WWOX: variants seen among roughly 807,000 people sequenced by gnomAD.
The protein encoded by WWOX is WW domain containing oxidoreductase.
In WWOX, 69 loss-of-function variants were observed where a neutral mutation model predicts 46.2. The observed-to-expected ratio is 1.49, with a 90% CI of 1.23 to 1.82. The LOEUF (loss-of-function observed/expected upper bound fraction) is 1.82. Among genes scored for constraint, WWOX ranks in the 40% most tolerant of loss-of-function variants. The pLI, the probability that WWOX is intolerant of heterozygous loss-of-function variation, is 0.00. For synonymous variants in WWOX, 359 were observed against 202.6 expected, an observed-to-expected ratio of 1.77 and a Z score of -6.56; for missense variants, 919 against 542.6, an observed-to-expected ratio of 1.69 and a Z score of -6.89.
chr16:79,021,338 G>A (rs911854743), intron 8 of WWOX, among the ~76,000 whole-genome samples: 4 of 152,088 alleles, frequency 2.6e-5, no homozygotes, highest in Admixed American at 1.3e-4. Context: ...CAAGAAACTC[G>A]CTTTCTTTGG....
chr16:79,179,664 A>G (rs552541516), intron 8 of WWOX, among the ~76,000 whole-genome samples: 2 of 152,312 alleles, frequency 1.3e-5, no homozygotes, highest in East Asian at 1.9e-4. Context: ...GCCACTGGAA[A>G]TCTATTACCT....
chr16:78,174,699 C>T (rs1053677827), intron 5 of WWOX, among the ~76,000 whole-genome samples: 1 of 152,180 alleles, frequency 6.6e-6, no homozygotes, highest in Non-Finnish European at 1.5e-5. Flanking sequence ...AATAATCTGA[C>T]TAAGGTGGCC....
intron 6 of WWOX, among the ~76,000 whole-genome samples, chr16:78,404,541 C>G (rs903405121): frequency 6.6e-6 from 1 of 152,142 alleles, no homozygotes; most frequent in Admixed American, 6.5e-5. Context: ...GTCACTTTCT[C>G]TTGTGGAGTT....
intron 8 of WWOX, among the ~76,000 whole-genome samples, chr16:79,180,061 G>C (rs374875518): frequency 7.2e-5 from 11 of 152,060 alleles, no homozygotes; most frequent in African/African-American, 2.4e-4. Context: ...GTTGCTTTTT[G>C]AGAGATTCTA....
At chr16:78,403,379 G>T (rs1272229553) in intron 6 of WWOX, among the ~76,000 whole-genome samples, 1 of 152,158 alleles carries the variant, frequency 6.6e-6, no homozygotes, top group Non-Finnish European at 1.5e-5. Context: ...AAAAATTAAT[G>T]TTCCCTTCCC....
At chr16:78,824,847 C>T (rs1415424899) in intron 8 of WWOX, among the ~76,000 whole-genome samples, 1 of 152,146 alleles carries the variant, frequency 6.6e-6, no homozygotes, top group Non-Finnish European at 1.5e-5. Flanking sequence ...CAAAGCATAT[C>T]AGGGTCCTAG....
At chr16:78,825,607 G>A (rs1567586496) in intron 8 of WWOX, 1 of 529,660 alleles carries the variant, frequency 1.9e-6, no homozygotes, top group East Asian at 4.9e-5. Context: ...AAACTCCTAG[G>A]AGGGCTTACT....
At chr16:78,332,588 C>A (rs537671906) in intron 5 of WWOX, among the ~76,000 whole-genome samples, 12 of 152,168 alleles carry the variant, frequency 7.9e-5, no homozygotes, top group African/African-American at 2.7e-4. Flanking sequence ...TTATATAGTT[C>A]AATTAAGCGG....
intron 8 of WWOX, among the ~76,000 whole-genome samples, chr16:79,032,423 T>C (rs1052428785): frequency 2.0e-5 from 3 of 147,274 alleles, no homozygotes; most frequent in Non-Finnish European, 3.0e-5. Flanking sequence ...TTACATATTA[T>C]GTTGAGAGTG....
chr16:78,677,605 G>A (rs1189144333), intron 8 of WWOX, among the ~76,000 whole-genome samples: 4 of 152,170 alleles, frequency 2.6e-5, no homozygotes, highest in Non-Finnish European at 5.9e-5. Flanking sequence ...TTTACAGTGT[G>A]GGACACCTGA....
At chr16:79,069,852 A>G (rs2048515245) in intron 8 of WWOX, among the ~76,000 whole-genome samples, 1 of 152,134 alleles carries the variant, frequency 6.6e-6, no homozygotes, top group Admixed American at 6.5e-5. Flanking sequence ...CTCTATGTAA[A>G]CCAACTTTGG....
chr16:78,662,488 C>T (rs138493468), intron 8 of WWOX, among the ~76,000 whole-genome samples: 2,196 of 152,168 alleles, frequency 0.014, 35 homozygotes, highest in Non-Finnish European at 0.018. Context: ...TGAGCACCTA[C>T]CATGTAGGTG....
chr16:78,201,133 T>G (rs1248733617), intron 5 of WWOX, among the ~76,000 whole-genome samples: 1 of 152,200 alleles, frequency 6.6e-6, no homozygotes, highest in Non-Finnish European at 1.5e-5. Context: ...ATAAAATGTT[T>G]TTGTCTTAAG....
At chr16:78,735,402 C>CACACACACACAG (rs1192750990) in intron 8 of WWOX, among the ~76,000 whole-genome samples, 1 of 147,816 alleles carries the variant, frequency 6.8e-6, no homozygotes, top group Non-Finnish European at 1.5e-5. Context: ...CAAACACACA[C>CACACACACACAG]ACACACACAC....
chr16:79,003,722 T>C, intron 8 of WWOX, among the ~76,000 whole-genome samples: 1 of 152,116 alleles, frequency 6.6e-6, no homozygotes, highest in East Asian at 1.9e-4. Flanking sequence ...GTGATTGGAT[T>C]CTTGTAGGGC....
chr16:78,250,979 A>G (rs1286661690), intron 5 of WWOX, among the ~76,000 whole-genome samples: 1 of 152,190 alleles, frequency 6.6e-6, no homozygotes, highest in Non-Finnish European at 1.5e-5. Context: ...ATAAGGGACA[A>G]ATCTCTGGGT....
intron 8 of WWOX, among the ~76,000 whole-genome samples, chr16:78,909,621 A>T (rs565975026): frequency 1.3e-5 from 2 of 152,186 alleles, no homozygotes; most frequent in Admixed American, 1.3e-4. Flanking sequence ...CTCCTCTTAG[A>T]TGAAAGTTCC....
At chr16:78,504,047 GA>G (rs1481599071) in intron 8 of WWOX, among the ~76,000 whole-genome samples, 1 of 152,068 alleles carries the variant, frequency 6.6e-6, no homozygotes, top group Non-Finnish European at 1.5e-5. Flanking sequence ...CAGTCAGGGG[GA>G]AAAAAGTGCT....
At chr16:78,129,297 C>G (rs1446413679) in intron 4 of WWOX, among the ~76,000 whole-genome samples, 1 of 152,126 alleles carries the variant, frequency 6.6e-6, no homozygotes, top group African/African-American at 2.4e-5. Context: ...TTGCATCTCA[C>G]TTGTATGTTC....
Sources: allele counts gnomAD v4.1 joint callset (sites outside exome capture counted in the v4.1 genomes callset), GRCh38; gene constraint gnomAD v4.1.1; transcripts MANE v1.5; gene names NCBI Gene and HGNC (gene_info 2026-07-23, HGNC 2026-07-21).